The following ERC1 variants were observed in gnomAD, a reference collection of about 807,000 sequenced individuals.
ERC1 encodes the protein ELKS/RAB6-interacting/CAST family member 1, also known as RAB6 interacting protein 2.
Under a neutral mutation model 132.0 loss-of-function variants are expected in ERC1, and 56 were observed. That is an observed-to-expected ratio of 0.42 (90% CI 0.34 to 0.53). The LOEUF (loss-of-function observed/expected upper bound fraction) is 0.53. Among genes scored for constraint, ERC1 ranks in the 20% least tolerant of loss-of-function variants. The pLI, the probability that ERC1 is intolerant of heterozygous loss-of-function variation, is 0.03. For synonymous variants in ERC1, 478 were observed against 476.1 expected (o/e 1.00, Z -0.05); for missense variants, 1,202 against 1,349.9 (o/e 0.89, Z 1.72).
chr12:1,349,642 C>T (rs1030935551), intron 15 of ERC1, among the ~76,000 whole-genome samples: 66 of 139,036 alleles, frequency 4.7e-4, no homozygotes, highest in African/African-American at 1.6e-3. Context: ...CCAACCTGGA[C>T]GACAGAGTGA....
At chr12:1,097,735 GAC>G (rs1944219351) in intron 3 of ERC1, among the ~76,000 whole-genome samples, 1 of 142,850 alleles carries the variant, frequency 7.0e-6, no homozygotes, top group African/African-American at 2.7e-5. Flanking sequence ...TTTTTTTTGA[GAC>G]AGAGTCTCAC....
intron 15 of ERC1, among the ~76,000 whole-genome samples, chr12:1,327,984 C>G (rs1199474789): frequency 6.6e-6 from 1 of 152,010 alleles, no homozygotes. Flanking sequence ...ACCTTTGAGA[C>G]ATATCTCCAC....
chr12:1,258,431 A>G (rs918035043), intron 13 of ERC1, among the ~76,000 whole-genome samples: 2 of 152,214 alleles, frequency 1.3e-5, no homozygotes, highest in African/African-American at 4.8e-5. Flanking sequence ...AATCACTCTT[A>G]CACTTGGGCC....
intron 4 of ERC1, among the ~76,000 whole-genome samples, chr12:1,107,001 T>C (rs940273216): frequency 6.6e-6 from 1 of 152,172 alleles, no homozygotes; most frequent in African/African-American, 2.4e-5. Flanking sequence ...TAGTGTAGTC[T>C]TTAGGGAAAA....
intron 12 of ERC1, among the ~76,000 whole-genome samples, chr12:1,224,432 G>T (rs181146249): frequency 8.4e-4 from 127 of 152,052 alleles, no homozygotes; most frequent in Non-Finnish European, 1.3e-3. Flanking sequence ...AAATAATAGT[G>T]GTGAAACTAA....
intron 3 of ERC1, among the ~76,000 whole-genome samples, chr12:1,098,079 G>A (rs1944266348): frequency 6.6e-6 from 1 of 152,166 alleles, no homozygotes; most frequent in East Asian, 1.9e-4. Context: ...AACTGTCTTT[G>A]GAGCTTTGCA....
intron 1 of ERC1, among the ~76,000 whole-genome samples, chr12:1,022,730 A>G (rs1355457583): frequency 1.3e-5 from 2 of 152,078 alleles, no homozygotes; most frequent in Non-Finnish European, 2.9e-5. Flanking sequence ...CAGTGGCATA[A>G]TCTTGGGTCA....
rs527897026 is a variant in ERC1 at position 1,486,299 on chromosome 12, A to G, written c.3214-3794A>G. Among the ~76,000 whole-genome samples, 169 of 152,390 alleles carry G rather than the reference A, an allele frequency of 1.1e-3. 2 individuals carry two copies. The highest frequency in any genetic ancestry group is 3.5e-3 in the African/African-American group (147 of 41,600). On this transcript the variant is annotated intron_variant, in intron 18 of 18. Coordinates refer to ENST00000360905, the MANE Select transcript of ERC1 (RefSeq NM_178040.4). ...ACATACATAAAGCCTCAAGTAATGC[A>G]TGATAAAATATATAGCAGTGGTTAT... is the stretch of plus-strand genomic sequence containing the variant.
chr12:1,065,813 A>G (rs1025234811), intron 2 of ERC1, among the ~76,000 whole-genome samples: 2 of 152,126 alleles, frequency 1.3e-5, no homozygotes, highest in Middle Eastern at 3.2e-3. Flanking sequence ...TTGGCCGTAC[A>G]ATAGAGTAGT....
intron 15 of ERC1, among the ~76,000 whole-genome samples, chr12:1,319,309 C>T (rs908936351): frequency 4.6e-5 from 7 of 152,012 alleles, no homozygotes; most frequent in South Asian, 2.1e-4. Context: ...TTTTTATATT[C>T]GCTTTAAGGA....
chr12:1,196,963 T>C (rs868267934), intron 12 of ERC1, among the ~76,000 whole-genome samples: 625 of 31,956 alleles, frequency 0.02, 10 homozygotes, highest in Non-Finnish European at 0.024. Context: ...CACACACACA[T>C]ATATATATAT....
At chr12:1,218,571 G>C (rs745757149) in intron 12 of ERC1, among the ~76,000 whole-genome samples, 1 of 152,030 alleles carries the variant, frequency 6.6e-6, no homozygotes, top group Non-Finnish European at 1.5e-5. Flanking sequence ...TTACGAAACT[G>C]CTCTTGTCAA....
intron 15 of ERC1, among the ~76,000 whole-genome samples, chr12:1,323,170 T>TG (rs1566586316): frequency 6.6e-6 from 1 of 151,506 alleles, no homozygotes; most frequent in Non-Finnish European, 1.5e-5. Flanking sequence ...ATTTTGGACG[T>TG]AAGTGTGCAA....
intron 17 of ERC1, among the ~76,000 whole-genome samples, chr12:1,438,954 A>AAAATATATATATATATATATAT (rs1015181197): frequency 2.1e-5 from 3 of 143,492 alleles, no homozygotes; most frequent in African/African-American, 7.9e-5. Flanking sequence ...TTTAAAAAAA[A>AAAATATATATATATATATATAT]ATATATATAT....
At chr12:1,076,126 A>AT (rs1393566120) in intron 2 of ERC1, among the ~76,000 whole-genome samples, 3 of 152,194 alleles carry the variant, frequency 2.0e-5, no homozygotes, top group African/African-American at 7.2e-5. Context: ...GTAATAGGTT[A>AT]TAACTCTTAT....
At chr12:1,295,442 C>T (rs1364838714) in intron 15 of ERC1, among the ~76,000 whole-genome samples, 1 of 152,140 alleles carries the variant, frequency 6.6e-6, no homozygotes, top group Admixed American at 6.5e-5. Context: ...TACGTGTTCA[C>T]TGAATGAGAC....
chr12:1,139,599 A>C (rs988161079), intron 7 of ERC1, among the ~76,000 whole-genome samples: 1 of 152,156 alleles, frequency 6.6e-6, no homozygotes, highest in African/African-American at 2.4e-5. Context: ...CTTCGACGAC[A>C]AGGGGGGATT....
intron 8 of ERC1, among the ~76,000 whole-genome samples, chr12:1,159,668 C>A (rs1566110798): frequency 6.6e-6 from 1 of 152,296 alleles, no homozygotes; most frequent in East Asian, 1.9e-4. Flanking sequence ...TTATTCCCCT[C>A]ATTGTTCTTA....
At chr12:1,127,505 C>CTTT (rs1386561232) in intron 7 of ERC1, among the ~76,000 whole-genome samples, 1 of 142,494 alleles carries the variant, frequency 7.0e-6, no homozygotes. Context: ...TCTATGTTTA[C>CTTT]TTTTTTTTTT....
Sources: allele counts gnomAD v4.1 joint callset (sites outside exome capture counted in the v4.1 genomes callset), GRCh38; gene constraint gnomAD v4.1.1; transcripts MANE v1.5; gene names NCBI Gene and HGNC (gene_info 2026-07-23, HGNC 2026-07-21).